Variants in ARHGEF11 observed in about 807,000 individuals in gnomAD.
The protein encoded by ARHGEF11 is Rho guanine exchange factor (GEF) 11.
A neutral mutation model predicts 193.7 loss-of-function variants in ARHGEF11; 55 were observed. That is an observed-to-expected ratio of 0.28 (90% CI 0.23 to 0.36). ARHGEF11 has a LOEUF of 0.36. Among genes scored for constraint, ARHGEF11 ranks in the 10% least tolerant of loss-of-function variants. ARHGEF11 has a pLI of 1.00. For missense variants in ARHGEF11, 1,723 were observed against 2,005.6 expected, an observed-to-expected ratio of 0.86 and a Z score of 2.69; for synonymous variants, 693 against 768.0, an observed-to-expected ratio of 0.90 and a Z score of 1.62.
At chr1:156,985,996 T>A in intron 2 of ARHGEF11, 86 bp downstream of exon 2, 1 of 1,127,180 alleles carries the variant, frequency 8.9e-7, no homozygotes. Context: ...CAAGCGATCC[T>A]CCCATTGGCC....
intron 11 of ARHGEF11, 74 bp downstream of exon 11, chr1:156,967,906 GACGATGT>G (rs1661922244): frequency 1.2e-6 from 2 of 1,600,546 alleles, no homozygotes; most frequent in African/African-American, 2.7e-5. Context: ...GATGATCCAA[GACGATGT>G]ACTGGTAACA....
At position 156,956,709 on chromosome 1, in the gene ARHGEF11, G is replaced by A. The variant is rs1660012859; in HGVS notation, c.1527-145C>T. 4.7e-6 allele frequency: 6 copies of A among 1,273,310 alleles called. No homozygotes were observed. The East Asian group carries it at 1.3e-4, about 27-fold the overall frequency. The allele number at this position is 1,273,310 out of a possible 1,614,324, so 78.9% of individuals were successfully genotyped here. A position where few individuals can be genotyped will look rare whatever the true frequency, so the allele number is the denominator to read the frequency against. On this transcript the variant is annotated intron_variant, in intron 18 of 40. Coordinates refer to ENST00000368194, the MANE Select transcript of ARHGEF11 (RefSeq NM_198236.3). Reference sequence around the variant, plus strand: ...AAGAAAAGTCTAGAATAATTAAATGGGACAGCAGGCAGAAGCTGGCTAAAA... The same window carrying A: ...AAGAAAAGTCTAGAATAATTAAATGAGACAGCAGGCAGAAGCTGGCTAAAA...
In ARHGEF11 at chr1:157,044,496, ACTT is replaced by A; in HGVS notation, c.-169_-167del. ...ACCCTGGTAACTGATGCTCCACTCT[ACTT>A]CTACCAGTGAACATGATTTCCTTTC... On this transcript the variant is annotated 5_prime_UTR_variant, in exon 1 of 41. Coordinates refer to ENST00000368194, the MANE Select transcript of ARHGEF11 (RefSeq NM_198236.3). 1 of 570,512 alleles carries A rather than the reference ACTT, an allele frequency of 1.8e-6. No individual in the cohort carries two copies. Among genetic ancestry groups the A allele is most frequent in the Non-Finnish European group, 3.2e-6 (1 of 315,404 alleles). 35.3% of individuals were successfully genotyped at this position (570,512 alleles called of 1,614,324 possible).
At chr1:156,969,224 T>A in intron 10 of ARHGEF11, 58 bp downstream of exon 10, 1 of 1,467,556 alleles carries the variant, frequency 6.8e-7, no homozygotes, top group Non-Finnish European at 9.3e-7. Context: ...AGAACTTGGG[T>A]CAAGGGAAGG....
upstream of ARHGEF11, among the ~76,000 whole-genome samples, chr1:157,045,775 G>T (rs1673255796): frequency 6.6e-6 from 1 of 150,704 alleles, no homozygotes; most frequent in Non-Finnish European, 1.5e-5. Flanking sequence ...CCTCCTTCCG[G>T]GCCCCTTCCC....
At chr1:156,958,553 T>G (rs911192115) in intron 17 of ARHGEF11, among the ~76,000 whole-genome samples, 189 bp downstream of exon 17, 1 of 152,212 alleles carries the variant, frequency 6.6e-6, no homozygotes, top group South Asian at 2.1e-4. Flanking sequence ...CTCCAGGCTC[T>G]GCCACACCCT....
chr1:157,043,400 C>G (rs1363694434), intron 1 of ARHGEF11, among the ~76,000 whole-genome samples: 1 of 152,130 alleles, frequency 6.6e-6, no homozygotes, highest in African/African-American at 2.4e-5. Flanking sequence ...AAGGAAAAGG[C>G]AGACACCTTA....
At chr1:157,027,863 G>A (rs139565149) in intron 1 of ARHGEF11, among the ~76,000 whole-genome samples, 1,579 of 152,234 alleles carry the variant, frequency 0.01, 15 homozygotes, top group Middle Eastern at 0.017. Context: ...CTTTTAAGAA[G>A]TCAGCTACTC....
At chr1:156,995,282 C>T (rs961751140) in intron 1 of ARHGEF11, among the ~76,000 whole-genome samples, 6 of 152,170 alleles carry the variant, frequency 3.9e-5, no homozygotes, top group Non-Finnish European at 5.9e-5. Context: ...CCAAATCCTG[C>T]ACATGGCTAG....
chr1:156,941,999 G>A lies in ARHGEF11; in HGVS notation c.3327-10C>T, dbSNP rs753644493. 1.8e-5 allele frequency: 29 copies of A among 1,613,946 alleles called. No individual in the cohort carries two copies. Among genetic ancestry groups the A allele is most frequent in the African/African-American group, 1.6e-4 (12 of 74,892 alleles). ...TAAGAGCTCCATCCATCTGTTGCTC[G>A]GCAGGAACAGAGAGGACTGTAGTGA... On this transcript the variant is annotated splice_polypyrimidine_tract_variant and intron_variant, in intron 33 of 40. Transcript: ENST00000368194.
chr1:157,035,771 T>TAC (rs1671850201), intron 1 of ARHGEF11, among the ~76,000 whole-genome samples: 1 of 143,382 alleles, frequency 7.0e-6, no homozygotes, highest in East Asian at 2.0e-4. Flanking sequence ...TATATATATA[T>TAC]ACAGGAATAT....
chr1:156,964,169 C>A (rs1661379480), intron 11 of ARHGEF11, among the ~76,000 whole-genome samples: 1 of 152,166 alleles, frequency 6.6e-6, no homozygotes, highest in South Asian at 2.1e-4. Context: ...TTTGCCCGCT[C>A]AAGAATCTGT....
intron 10 of ARHGEF11, among the ~76,000 whole-genome samples, 187 bp downstream of exon 10, chr1:156,969,095 T>A (rs1662148303): frequency 6.6e-6 from 1 of 152,200 alleles, no homozygotes; most frequent in Non-Finnish European, 1.5e-5. Context: ...GATTTGATAA[T>A]CTTGCATGTT....
At chr1:156,939,476 C>G in intron 37 of ARHGEF11, 72 bp downstream of exon 37, 1 of 1,593,888 alleles carries the variant, frequency 6.3e-7, no homozygotes. Flanking sequence ...GGGAAGGAAG[C>G]AGCTGTTCGG....
intron 1 of ARHGEF11, among the ~76,000 whole-genome samples, chr1:157,030,942 G>A (rs1299773661): frequency 6.2e-5 from 6 of 97,320 alleles, no homozygotes; most frequent in Non-Finnish European, 8.4e-5. Flanking sequence ...TTATGCCCCC[G>A]CCCCCGCCCT....
chr1:157,018,830 G>A (rs184927572), intron 1 of ARHGEF11, among the ~76,000 whole-genome samples: 9 of 152,234 alleles, frequency 5.9e-5, no homozygotes, highest in South Asian at 2.1e-4. Flanking sequence ...ACACATATAC[G>A]ATCAATGGAT....
Position 156,957,826 on chromosome 1 carries a change from A to G in ARHGEF11, c.1503-11T>C. ...TCCTCATACTTGGACCTGGAATGGA[A>G]GAAAGAACAGATGACTCAGACTGCA... On this transcript the variant is annotated splice_polypyrimidine_tract_variant and intron_variant, in intron 17 of 40. Transcript: ENST00000368194. 1.2e-6 allele frequency: 2 copies of G among 1,614,090 alleles called. No individual in the cohort carries two copies. The highest frequency in any genetic ancestry group is 1.1e-5 in the South Asian group (1 of 91,086).
In ARHGEF11 at chr1:156,956,275, C is replaced by T. The variant is rs1659936815; in HGVS notation, c.1671+145G>A. On this transcript the variant is annotated intron_variant, in intron 19 of 40. Transcript: ENST00000368194. The stretch of plus-strand genomic sequence containing the variant: ...GGGGTTATAGGCATGCACCACTATG[C>T]TGGACTAATTTTTGTATTTTAATAG... 1.2e-5 allele frequency: 10 copies of T among 813,096 alleles called. No individual in the cohort carries two copies. In the South Asian group the frequency reaches 1.5e-4, roughly 12 times the overall value. 50.4% of individuals were successfully genotyped at this position (813,096 alleles called of 1,614,324 possible). A position where few individuals can be genotyped will look rare whatever the true frequency, so the allele number is the denominator to read the frequency against.
In ARHGEF11 at chr1:156,979,260, G is replaced by T. The variant is rs1162459354; in HGVS notation, c.300C>A (p.Ser100Arg). ...TCAGCTTTACCACTTCCAGGTGTGA[G>T]CTATTGGTCACCATGGTGCCGTTGA... is the stretch of plus-strand genomic sequence containing the variant. ...IKVNGTMVTN[S>R]SHLEVVKLIK... Residue 100 changes from serine to arginine, a missense_variant, in exon 5 of 41, where the codon AGC becomes AGA. Ser to Arg is a moderately radical substitution (Grantham distance 110). This residue lies in a region of ARHGEF11 where 646 missense variants were observed against 710.7 expected (regional missense o/e 0.91). Transcript: ENST00000368194. 1.2e-6 allele frequency: 2 copies of T among 1,613,660 alleles called. No homozygotes were observed. Among genetic ancestry groups the T allele is most frequent in the African/African-American group, 2.7e-5 (2 of 74,802 alleles).
Sources: gnomAD v4.1 joint callset for allele counts (sites outside exome capture counted in the v4.1 genomes callset) on GRCh38, gnomAD v4.1.1 for gene constraint, gnomAD v4.1.1 regional missense constraint, MANE v1.5 for transcripts, NCBI Gene and HGNC (gene_info 2026-07-23, HGNC 2026-07-21) for gene names.